Variants in RANBP2 observed in about 807,000 individuals in gnomAD.
RANBP2 encodes E3 SUMO-protein ligase RanBP2.
RANBP2 carries 57 observed loss-of-function variants against 303.6 expected under a neutral mutation model. That is an observed-to-expected ratio of 0.19 (90% CI 0.15 to 0.23). RANBP2 has a LOEUF of 0.23. Among genes scored for constraint, RANBP2 ranks in the 10% least tolerant of loss-of-function variants. RANBP2 has a pLI of 1.00. For missense variants in RANBP2, 3,138 were observed against 3,780.8 expected (o/e 0.83, Z 4.46); for synonymous variants, 1,167 against 1,301.5 (o/e 0.90, Z 2.23).
chr2:109,290,634 C>G, the RANBP2 span, among the ~76,000 whole-genome samples: 2 of 152,368 alleles, frequency 1.3e-5, no homozygotes, highest in East Asian at 3.9e-4. Context: ...ATTCCTCCAA[C>G]TCAGACGCCC....
the RANBP2 span, among the ~76,000 whole-genome samples, chr2:108,920,298 C>T: frequency 6.6e-5 from 10 of 152,358 alleles, no homozygotes; most frequent in African/African-American, 2.2e-4. Flanking sequence ...GATGAGGACA[C>T]TTTCCCAGGG....
chr2:109,167,938 T>C, the RANBP2 span, among the ~76,000 whole-genome samples: 1 of 152,188 alleles, frequency 6.6e-6, no homozygotes, highest in Non-Finnish European at 1.5e-5. Context: ...GTGTTTATTG[T>C]TGTATCTTTC....
At chr2:109,047,840 C>T in the RANBP2 span, among the ~76,000 whole-genome samples, 1 of 152,184 alleles carries the variant, frequency 6.6e-6, no homozygotes, top group Non-Finnish European at 1.5e-5. Context: ...AAACTGAAAA[C>T]AAAACCTTTA....
the RANBP2 span, among the ~76,000 whole-genome samples, chr2:109,455,606 G>T: frequency 6.6e-6 from 1 of 152,210 alleles, no homozygotes; most frequent in East Asian, 1.9e-4. Context: ...CCAATCTGAA[G>T]AAATCTTGAG....
At chr2:108,787,099 G>GC (rs1678969053), downstream of RANBP2, among the ~76,000 whole-genome samples, 1 of 152,174 alleles carries the variant, frequency 6.6e-6, no homozygotes, top group Non-Finnish European at 1.5e-5. Context: ...CTGCGGGGGT[G>GC]CGGGGGTGCC....
At chr2:109,387,435 G>A in the RANBP2 span, among the ~76,000 whole-genome samples, 2 of 152,130 alleles carry the variant, frequency 1.3e-5, no homozygotes, top group Non-Finnish European at 2.9e-5. Flanking sequence ...TTCTGCCCAT[G>A]TGTCTGCTCC....
chr2:109,250,039 T>A, the RANBP2 span, among the ~76,000 whole-genome samples: 2 of 150,734 alleles, frequency 1.3e-5, no homozygotes, highest in African/African-American at 4.9e-5. Context: ...AAACTTGTTA[T>A]TTTTACCATG....
the RANBP2 span, among the ~76,000 whole-genome samples, chr2:109,400,359 G>A: frequency 3.3e-5 from 5 of 151,520 alleles, no homozygotes; most frequent in South Asian, 2.1e-4. Context: ...TACATACACC[G>A]CCATCCACAT....
chr2:109,027,746 C>A, the RANBP2 span, among the ~76,000 whole-genome samples: 1 of 138,970 alleles, frequency 7.2e-6, no homozygotes, highest in Non-Finnish European at 1.6e-5. Context: ...GGCCTGGGCT[C>A]CAGGAGTGGG....
the RANBP2 span, among the ~76,000 whole-genome samples, chr2:109,401,285 T>A: frequency 6.6e-6 from 1 of 152,170 alleles, no homozygotes; most frequent in African/African-American, 2.4e-5. Context: ...TGAAACAAAT[T>A]TGGCTCAAAG....
the RANBP2 span, among the ~76,000 whole-genome samples, chr2:109,110,698 C>A: frequency 6.6e-6 from 1 of 152,322 alleles, no homozygotes; most frequent in African/African-American, 2.4e-5. Flanking sequence ...AGGCGGCAGG[C>A]CAGTCACTAA....
At chr2:108,738,881 T>C (rs826572) in intron 6 of RANBP2, among the ~76,000 whole-genome samples, 39,437 of 151,174 alleles carry the variant, frequency 0.26, 5,528 homozygotes, top group African/African-American at 0.36. Context: ...CCACCCGCCT[T>C]GGCCTCCCAA....
chr2:109,357,726 C>T, the RANBP2 span, among the ~76,000 whole-genome samples: 1 of 152,128 alleles, frequency 6.6e-6, no homozygotes, highest in Non-Finnish European at 1.5e-5. Context: ...ATTTTCATTG[C>T]TCTGTGGTGC....
the RANBP2 span, among the ~76,000 whole-genome samples, chr2:109,462,399 C>G: frequency 1.3e-5 from 2 of 152,040 alleles, no homozygotes; most frequent in African/African-American, 4.8e-5. Context: ...GCTTAAACAA[C>G]GAAACCATAC....
the RANBP2 span, among the ~76,000 whole-genome samples, chr2:109,532,910 C>CCTGCCTAAAT: frequency 6.6e-5 from 10 of 152,198 alleles, no homozygotes; most frequent in African/African-American, 2.2e-4. Flanking sequence ...TCTCCTGCTT[C>CCTGCCTAAAT]CTTCTGTTTA....
At chr2:108,834,148 A>G in the RANBP2 span, among the ~76,000 whole-genome samples, 2 of 151,562 alleles carry the variant, frequency 1.3e-5, no homozygotes, top group Non-Finnish European at 2.9e-5. Flanking sequence ...TGTCATCAGA[A>G]TCAATTGCAT....
At chr2:109,025,214 T>C in the RANBP2 span, among the ~76,000 whole-genome samples, 1 of 152,252 alleles carries the variant, frequency 6.6e-6, no homozygotes, top group Non-Finnish European at 1.5e-5. Context: ...GGCTGAATAA[T>C]ATTCCATTGT....
chr2:109,524,469 A>AAAAAAAAAAAAAACAAC, the RANBP2 span, among the ~76,000 whole-genome samples: 1 of 80,844 alleles, frequency 1.2e-5, no homozygotes, highest in African/African-American at 4.5e-5. Flanking sequence ...AAAAAAAACA[A>AAAAAAAAAAAAAACAAC]AACAACACTG....
At chr2:109,364,714 ACTC>A in the RANBP2 span, among the ~76,000 whole-genome samples, 1 of 151,668 alleles carries the variant, frequency 6.6e-6, no homozygotes, top group Non-Finnish European at 1.5e-5. Context: ...AGTTTCCCCC[ACTC>A]CTCTGTAGGT....
Sources: allele counts gnomAD v4.1 joint callset (sites outside exome capture counted in the v4.1 genomes callset), GRCh38; gene constraint gnomAD v4.1.1; transcripts MANE v1.5; gene names NCBI Gene and HGNC (gene_info 2026-07-23, HGNC 2026-07-21).